The following SPI1 variants were observed in gnomAD, a reference collection of about 807,000 sequenced individuals.
SPI1 encodes the protein Spi-1 proto-oncogene.
A neutral mutation model predicts 30.7 loss-of-function variants in SPI1; 3 were observed. The observed-to-expected ratio is 0.10, with a 90% CI of 0.04 to 0.25. The LOEUF (loss-of-function observed/expected upper bound fraction) is 0.25. SPI1 is among the 10% of genes least tolerant of loss of function. SPI1 has a pLI of 1.00. For synonymous variants in SPI1, 169 were observed against 157.1 expected, an observed-to-expected ratio of 1.08 and a Z score of -0.56; for missense variants, 261 against 371.5, an observed-to-expected ratio of 0.70 and a Z score of 2.45.
At chr11:47,360,554 G>A (rs374428384) in intron 2 of SPI1, among the ~76,000 whole-genome samples, 22 of 152,314 alleles carry the variant, frequency 1.4e-4, no homozygotes, top group East Asian at 9.6e-4. Context: ...AGGGCCGCGC[G>A]CGGTGGCTCA....
chr11:47,374,333 T>C lies in SPI1; in HGVS notation c.142+1300A>G, dbSNP rs531655761. Among the ~76,000 whole-genome samples the C allele has an allele frequency of 6.6e-6, 1 of 152,356 alleles. No individual in the cohort carries two copies. Among genetic ancestry groups the C allele is most frequent in the East Asian group, 1.9e-4 (1 of 5,188 alleles). On this transcript the variant is annotated intron_variant, in intron 2 of 4. Transcript: ENST00000378538. The surrounding 1 kb of genome is among the most constrained non-coding windows in gnomAD (Gnocchi z 4.5). ...TAAAAAGGATATTTTAAAGGCTTTC[T>C]AGCCCTGAAAGATTCTAAAAGATGC...
At chr11:47,376,041 C>T (rs764749037) in intron 1 of SPI1, among the ~76,000 whole-genome samples, 28 of 152,032 alleles carry the variant, frequency 1.8e-4, no homozygotes, top group Non-Finnish European at 3.5e-4. Flanking sequence ...TCATCCCACA[C>T]ACCTCTCCTG....
chr11:47,356,421 C>T (rs2095909452), intron 4 of SPI1, among the ~76,000 whole-genome samples: 1 of 151,550 alleles, frequency 6.6e-6, no homozygotes, highest in South Asian at 2.1e-4. Context: ...CCACCCAATG[C>T]ACCCACTCAC....
chr11:47,362,780 T>C (rs1341156346), intron 2 of SPI1, among the ~76,000 whole-genome samples: 2 of 151,944 alleles, frequency 1.3e-5, no homozygotes, highest in Non-Finnish European at 2.9e-5. Context: ...TTCACTATAT[T>C]GGCCAGGCTG....
At chr11:47,367,597 C>T (rs1324508970) in intron 2 of SPI1, among the ~76,000 whole-genome samples, 1 of 146,662 alleles carries the variant, frequency 6.8e-6, no homozygotes, top group Non-Finnish European at 1.5e-5. Context: ...AATCCCAGCA[C>T]ACTCATTAGG....
intron 2 of SPI1, among the ~76,000 whole-genome samples, chr11:47,361,498 T>A (rs903222115): frequency 1.3e-5 from 2 of 152,204 alleles, no homozygotes; most frequent in African/African-American, 4.8e-5. Context: ...ATCTTCAGCA[T>A]GAACACCTTT....
chr11:47,377,811 G>A (rs140960135), intron 1 of SPI1, among the ~76,000 whole-genome samples: 1 of 152,314 alleles, frequency 6.6e-6, no homozygotes, highest in East Asian at 1.9e-4. Context: ...CATGTCCTCT[G>A]TGCCAGGCCC....
At chr11:47,361,049 A>C (rs1361998081) in intron 2 of SPI1, among the ~76,000 whole-genome samples, 7 of 151,802 alleles carry the variant, frequency 4.6e-5, no homozygotes, top group Admixed American at 4.6e-4. Flanking sequence ...TGAACCCAGG[A>C]GGCGGAGGCT....
chr11:47,362,386 A>G (rs993556861), intron 2 of SPI1, among the ~76,000 whole-genome samples: 4 of 152,096 alleles, frequency 2.6e-5, no homozygotes, highest in Non-Finnish European at 4.4e-5. Flanking sequence ...CCTGGGCAAC[A>G]TAGTGAGACC....
chr11:47,368,091 C>T (rs948802172), intron 2 of SPI1, among the ~76,000 whole-genome samples: 6 of 152,092 alleles, frequency 3.9e-5, no homozygotes, highest in Admixed American at 2.0e-4. Flanking sequence ...ATAGGCCGGG[C>T]GCAGTGGCTC....
intron 2 of SPI1, among the ~76,000 whole-genome samples, chr11:47,373,996 C>T (rs2095939219): frequency 6.6e-6 from 1 of 152,156 alleles, no homozygotes; most frequent in African/African-American, 2.4e-5. Flanking sequence ...GGAAACGCAC[C>T]CAAGCCCAGT....
intron 2 of SPI1, among the ~76,000 whole-genome samples, chr11:47,368,453 C>A (rs1398679719): frequency 6.6e-6 from 1 of 152,208 alleles, no homozygotes; most frequent in Admixed American, 6.5e-5. Flanking sequence ...TCTTTCCACA[C>A]CCTTCTTCAT....
chr11:47,355,582 G>T (rs1250424368), intron 4 of SPI1, 36 bp from the exon 5 acceptor site: 2 of 1,515,854 alleles, frequency 1.3e-6, no homozygotes, highest in Admixed American at 4.1e-5. Context: ...GGGGGCCCGG[G>T]GCCCACATGG....
At chr11:47,371,160 A>G (rs1595862348) in intron 2 of SPI1, among the ~76,000 whole-genome samples, 1 of 151,680 alleles carries the variant, frequency 6.6e-6, no homozygotes. Context: ...GGAGATCAAG[A>G]CCATCCTGGC....
intron 2 of SPI1, among the ~76,000 whole-genome samples, chr11:47,373,276 C>A (rs1383500541): frequency 1.3e-5 from 2 of 151,994 alleles, no homozygotes; most frequent in African/African-American, 2.4e-5. Flanking sequence ...CGCTTGAATC[C>A]GGGAGGCGGA....
chr11:47,369,335 C>G (rs1208861084), intron 2 of SPI1, among the ~76,000 whole-genome samples: 1 of 152,080 alleles, frequency 6.6e-6, no homozygotes, highest in Non-Finnish European at 1.5e-5. Context: ...TCTGTCCCCC[C>G]CTTTCTGTCT....
chr11:47,376,297 A>G (rs2095942201), intron 1 of SPI1, among the ~76,000 whole-genome samples: 1 of 151,748 alleles, frequency 6.6e-6, no homozygotes. Context: ...AGCCATCAAC[A>G]CACACACTCA....
At position 47,378,310 on chromosome 11, in the gene SPI1, G is replaced by A. The variant is rs1354674575; in HGVS notation, c.44C>T (p.Pro15Leu). 6.2e-7 allele frequency: 1 copy of A among 1,613,382 alleles called. No homozygotes were observed. The highest frequency in any genetic ancestry group is 2.2e-5 in the East Asian group (1 of 44,862). ...TGGTGGAGGAGTCCCGGTACTCACA[G>A]GGGGGACGAGGGGAAACCCTTCCAT... ...CKMEGFPLVP[P>L]PSEDLVPYDT... The change falls in exon 1 of 5, where the codon CCT (proline) becomes CTT (leucine). Residue 15 changes from proline to leucine, a missense_variant and splice_region_variant. Around this residue, in one of 5 missense-constraint regions of SPI1, gnomAD observed 78 missense variants for 93.2 expected, o/e 0.84. Transcript: ENST00000378538.
At position 47,359,894 on chromosome 11, in the gene SPI1, C is replaced by T. The variant is rs1595857429; in HGVS notation, c.289G>A (p.Asp97Asn). The T allele has an allele frequency of 8.7e-6, 14 of 1,609,344 alleles. No individual in the cohort carries two copies. Among genetic ancestry groups the T allele is most frequent in the East Asian group, 2.2e-5 (1 of 44,874 alleles). ...HMELEQMHVL[D>N]TPMVPPHPSL... is the part of the protein sequence containing the mutation. ...GGATGGGGTGGCACCATGGGGGTAT[C>T]GAGGACGTGCATCTGCTCCAGCTCC... Residue 97 changes from aspartate (D) to asparagine (N), a missense_variant, in exon 3 of 5, where the codon GAT (aspartate) becomes AAT (asparagine). Around this residue, in one of 5 missense-constraint regions of SPI1, gnomAD observed 106 missense variants for 102.0 expected, o/e 1.04. Transcript: ENST00000378538. This position sits in a 1 kb window ranked among gnomAD's most constrained non-coding sequence, Gnocchi z 5.1.
Sources: gnomAD v4.1 joint callset for allele counts (sites outside exome capture counted in the v4.1 genomes callset) on GRCh38, gnomAD v4.1.1 for gene constraint, gnomAD v4.1.1 regional missense constraint, Gnocchi (gnomAD v3.1) non-coding constraint, MANE v1.5 for transcripts, NCBI Gene and HGNC (gene_info 2026-07-23, HGNC 2026-07-21) for gene names.